Variants in LRRC40 observed in about 807,000 individuals in gnomAD.
The protein encoded by LRRC40 is leucine rich repeat containing 40, also known as leucine-rich repeat-containing protein 40.
A neutral mutation model predicts 72.8 loss-of-function variants in LRRC40; 76 were observed. That is an observed-to-expected ratio of 1.04 (90% CI 0.87 to 1.26). The LOEUF (loss-of-function observed/expected upper bound fraction) is 1.26. Ranked by LOEUF, LRRC40 falls within the 50% of genes most tolerant of loss-of-function variation. LRRC40 has a pLI of 0.00. For missense variants in LRRC40, 684 were observed against 698.9 expected, an observed-to-expected ratio of 0.98 and a Z score of 0.24; for synonymous variants, 243 against 254.2, an observed-to-expected ratio of 0.96 and a Z score of 0.42.
chr1:70,160,239 A>C lies in LRRC40; in HGVS notation c.1112-801T>G, dbSNP rs531110789. Reference sequence around the variant, plus strand: ...ACATAAGAGCAGAAGGCACGCCAAAAGAAAACAAAAAAAATTAGTAGTATA... The same window carrying C: ...ACATAAGAGCAGAAGGCACGCCAAACGAAAACAAAAAAAATTAGTAGTATA... On this transcript the variant is annotated intron_variant, in intron 9 of 14. Transcript: ENST00000370952. Among the ~76,000 whole-genome samples the C allele has an allele frequency of 2.6e-5, 4 of 152,312 alleles. No homozygotes were observed. In the South Asian group the frequency reaches 8.3e-4, roughly 32 times the overall value.
At chr1:70,185,119 A>C (rs1026728759) in intron 3 of LRRC40, among the ~76,000 whole-genome samples, 2 of 152,250 alleles carry the variant, frequency 1.3e-5, no homozygotes, top group African/African-American at 4.8e-5. Context: ...GGTTTCAAAG[A>C]AAAATAACAA....
intron 10 of LRRC40, among the ~76,000 whole-genome samples, chr1:70,158,448 C>G (rs914372314): frequency 6.6e-6 from 1 of 152,030 alleles, no homozygotes; most frequent in Non-Finnish European, 1.5e-5. Flanking sequence ...CATAAATGAA[C>G]CAATTGCTAC....
At chr1:70,204,172 G>GAGA (rs1172695808) in intron 1 of LRRC40, among the ~76,000 whole-genome samples, 1 of 152,168 alleles carries the variant, frequency 6.6e-6, no homozygotes, top group East Asian at 1.9e-4. Flanking sequence ...CTTATGATTT[G>GAGA]AGAATACTCA....
intron 4 of LRRC40, among the ~76,000 whole-genome samples, chr1:70,181,731 C>T (rs1233051667): frequency 1.3e-5 from 2 of 152,020 alleles, no homozygotes; most frequent in Non-Finnish European, 1.5e-5. Flanking sequence ...CTGCTGACCT[C>T]AGAAAGTCAG....
At chr1:70,168,241 C>T (rs1427350223) in intron 9 of LRRC40, among the ~76,000 whole-genome samples, 1 of 152,188 alleles carries the variant, frequency 6.6e-6, no homozygotes, top group East Asian at 1.9e-4. Context: ...CTCCCTTCTT[C>T]CACTCTGGTC....
intron 13 of LRRC40, among the ~76,000 whole-genome samples, chr1:70,149,313 T>C (rs1281929776): frequency 6.6e-6 from 1 of 152,156 alleles, no homozygotes; most frequent in Non-Finnish European, 1.5e-5. Context: ...AATAGAAGAA[T>C]GGGCAGGAAC....
chr1:70,163,637 G>A lies in LRRC40; in HGVS notation c.1112-4199C>T, dbSNP rs563360857. ...AGTCAGTCAATTAGCAATCTTAATT[G>A]CCCTTTGCCATGTAAGGTAACCCAT... On this transcript the variant is annotated intron_variant, in intron 9 of 14. Coordinates refer to ENST00000370952, the MANE Select transcript of LRRC40 (RefSeq NM_017768.5). Among the ~76,000 whole-genome samples the A allele has an allele frequency of 2.0e-5, 3 of 152,194 alleles. No homozygotes were observed. In the East Asian group the frequency reaches 5.8e-4, roughly 29 times the overall value.
chr1:70,155,689 C>CT lies in LRRC40; in HGVS notation c.1327dup (p.Arg443LysfsTer11). On this transcript the variant is annotated frameshift_variant and splice_region_variant, in exon 11 of 15. Coordinates refer to ENST00000370952, the MANE Select transcript of LRRC40 (RefSeq NM_017768.5). LOFTEE classifies it high-confidence loss of function. ...ATAGACATGGCATCATAGTTCTTAC[C>CT]TTTTTGGAATTTCACATAGTTGATT... The CT allele has an allele frequency of 6.7e-7, 1 of 1,486,024 alleles. No homozygotes were observed. The highest frequency in any genetic ancestry group is 9.2e-7 in the Non-Finnish European group (1 of 1,089,050). The allele number at this position is 1,486,024 out of a possible 1,614,324, so 92.1% of individuals were successfully genotyped here.
At chr1:70,176,697 G>A (rs780651416) in intron 6 of LRRC40, among the ~76,000 whole-genome samples, 2 of 151,976 alleles carry the variant, frequency 1.3e-5, no homozygotes, top group African/African-American at 4.8e-5. Context: ...TGTTTAAACT[G>A]TGAGGGTCCA....
rs370514037 is a variant in LRRC40, at chr1:70,189,287, C to A, written c.152-14G>T. On this transcript the variant is annotated splice_polypyrimidine_tract_variant and intron_variant, in intron 1 of 14. Transcript: ENST00000370952. Reference sequence around the variant, plus strand: ...CACACTGCGGCACTAGTTCCATCAGCACCACACCAGGAAAAAAAAAAAAAA... The same window carrying A: ...CACACTGCGGCACTAGTTCCATCAGAACCACACCAGGAAAAAAAAAAAAAA... The A allele has an allele frequency of 3.9e-5, 53 of 1,345,212 alleles. No homozygotes were observed. In the African/African-American group the frequency reaches 6.8e-4, roughly 17 times the overall value. 83.3% of individuals were successfully genotyped at this position (1,345,212 alleles called of 1,614,324 possible).
intron 14 of LRRC40, 77 bp downstream of exon 14, chr1:70,148,410 T>G: frequency 7.9e-7 from 1 of 1,262,226 alleles, no homozygotes; most frequent in South Asian, 1.6e-5. Flanking sequence ...CTTGCAAATT[T>G]ATCTGAAAAA....
intron 1 of LRRC40, among the ~76,000 whole-genome samples, chr1:70,196,541 C>G (rs1245791300): frequency 6.6e-6 from 1 of 151,352 alleles, no homozygotes; most frequent in African/African-American, 2.4e-5. Flanking sequence ...CAGAGGGAGA[C>G]ACTGTCTCAA....
chr1:70,156,415 C>T (rs1571441328), intron 10 of LRRC40, among the ~76,000 whole-genome samples: 1 of 152,188 alleles, frequency 6.6e-6, no homozygotes, highest in Middle Eastern at 3.4e-3. Flanking sequence ...AGCTTTATAA[C>T]TTACCTCCCC....
At position 70,159,450 on chromosome 1, in the gene LRRC40, A is replaced by C. The variant is rs1490025502; in HGVS notation, c.1112-12T>G. Reference sequence around the variant, plus strand: ...GCTAGGTCCATCATCTGGCAAAAGAAAACTTATATGAAGCCAATATTTATA... The same window carrying C: ...GCTAGGTCCATCATCTGGCAAAAGACAACTTATATGAAGCCAATATTTATA... On this transcript the variant is annotated splice_polypyrimidine_tract_variant and intron_variant, in intron 9 of 14. Transcript: ENST00000370952. The C allele has an allele frequency of 7.8e-7, 1 of 1,285,500 alleles. No individual in the cohort carries two copies. The highest frequency in any genetic ancestry group is 1.8e-5 in the Admixed American group (1 of 55,978). 79.6% of individuals were successfully genotyped at this position (1,285,500 alleles called of 1,614,324 possible).
chr1:70,168,423 G>T (rs1667934941), intron 9 of LRRC40, among the ~76,000 whole-genome samples: 1 of 152,226 alleles, frequency 6.6e-6, no homozygotes, highest in African/African-American at 2.4e-5. Context: ...CTAGAGGAGA[G>T]TGTTACTCTT....
chr1:70,204,620 G>C lies in LRRC40; in HGVS notation c.151+770C>G, dbSNP rs74088012. On this transcript the variant is annotated intron_variant, in intron 1 of 14. Coordinates refer to ENST00000370952, the MANE Select transcript of LRRC40 (RefSeq NM_017768.5). The stretch of plus-strand genomic sequence containing the variant: ...TGTCACAATAAGAAAGCAATCATTA[G>C]AAGGAAAATGGAAGGTTTTAATCAG... 9.0e-3 allele frequency among the ~76,000 whole-genome samples: 1,365 copies of C among 152,110 alleles called. 17 individuals are homozygous for C. The highest frequency in any genetic ancestry group is 0.029 in the African/African-American group (1,201 of 41,488).
chr1:70,201,499 C>A (rs1668736534), intron 1 of LRRC40, among the ~76,000 whole-genome samples: 2 of 152,002 alleles, frequency 1.3e-5, no homozygotes, highest in Admixed American at 1.3e-4. Context: ...AGTTGCTGAG[C>A]AGAAACAAGT....
At chr1:70,154,049 C>T in intron 11 of LRRC40, among the ~76,000 whole-genome samples, 1 of 150,154 alleles carries the variant, frequency 6.7e-6, no homozygotes, top group Non-Finnish European at 1.5e-5. Flanking sequence ...ATAAAATATG[C>T]AGTATGCCAC....
At chr1:70,184,610 A>G (rs963322056) in intron 4 of LRRC40, among the ~76,000 whole-genome samples, 175 bp downstream of exon 4, 3 of 152,220 alleles carry the variant, frequency 2.0e-5, no homozygotes, top group Admixed American at 2.0e-4. Context: ...ATACAGGAAA[A>G]CCAAATTTAC....
Sources: allele counts gnomAD v4.1 joint callset (sites outside exome capture counted in the v4.1 genomes callset), GRCh38; gene constraint gnomAD v4.1.1; transcripts MANE v1.5; gene names NCBI Gene and HGNC (gene_info 2026-07-23, HGNC 2026-07-21).